The following ENO4 variants were observed in gnomAD, a reference collection of about 807,000 sequenced individuals.
The protein encoded by ENO4 is enolase 4, also known as 2-phospho-D-glycerate hydro-lyase.
Under a neutral mutation model 63.2 loss-of-function variants are expected in ENO4, and 53 were observed. The ratio of observed to expected loss-of-function variants is 0.84; its 90% CI spans 0.67 to 1.05. ENO4 has a LOEUF of 1.05. Ranked by LOEUF, ENO4 falls within the 50% of genes least tolerant of loss-of-function variation. ENO4 has a pLI of 0.00. For missense variants in ENO4, 719 were observed against 772.0 expected, an observed-to-expected ratio of 0.93 and a Z score of 0.81; for synonymous variants, 266 against 283.8, an observed-to-expected ratio of 0.94 and a Z score of 0.63.
chr10:116,906,450 T>C (rs532491677), intron 10 of ENO4, among the ~76,000 whole-genome samples: 2 of 152,338 alleles, frequency 1.3e-5, no homozygotes, highest in African/African-American at 2.4e-5. Context: ...AATAAAAATA[T>C]CTAAGAGTTC....
At chr10:116,865,743 T>C (rs1455408957) in intron 7 of ENO4, among the ~76,000 whole-genome samples, 3 of 152,138 alleles carry the variant, frequency 2.0e-5, no homozygotes, top group Non-Finnish European at 4.4e-5. Flanking sequence ...TGCTACTGAG[T>C]GTCCTGCAAT....
chr10:116,869,603 T>C (rs895856388), intron 8 of ENO4, among the ~76,000 whole-genome samples: 2 of 152,216 alleles, frequency 1.3e-5, no homozygotes, highest in Admixed American at 1.3e-4. Context: ...AGTTTGTATA[T>C]GTTGGAATGA....
chr10:116,879,743 T>TA (rs1846945539), intron 12 of ENO4, 126 bp from the exon 13 acceptor site: 16 of 743,392 alleles, frequency 2.2e-5, no homozygotes, highest in Non-Finnish European at 3.5e-5. Flanking sequence ...TACATAAAGA[T>TA]AAAAAACTAG....
intron 10 of ENO4, among the ~76,000 whole-genome samples, chr10:116,875,561 T>TCACACACACACACACACACACACACA (rs56000218): frequency 1.6e-4 from 23 of 147,908 alleles, no homozygotes; most frequent in African/African-American, 3.0e-4. Context: ...TCCAGGCTGG[T>TCACACACACACACACACACACACACA]CACACACACA....
At chr10:116,876,390 TGA>T in intron 11 of ENO4, 130 bp downstream of exon 11, 1 of 801,972 alleles carries the variant, frequency 1.2e-6, no homozygotes, top group Non-Finnish European at 1.9e-6. Context: ...CAACCATTTG[TGA>T]GAGATTTAGT....
intron 13 of ENO4, among the ~76,000 whole-genome samples, chr10:116,880,759 GT>G (rs1016196577): frequency 6.6e-6 from 1 of 152,194 alleles, no homozygotes; most frequent in African/African-American, 2.4e-5. Flanking sequence ...AGAAGGGCTA[GT>G]TTTTTCAAAT....
downstream of ENO4, chr10:116,883,213 T>C (rs950593141): frequency 3.3e-5 from 5 of 152,204 alleles, no homozygotes; most frequent in African/African-American, 1.2e-4. Context: ...AGCATTTTAA[T>C]TTAAATTTCT....
At chr10:116,899,095 C>T (rs2133318369) in intron 10 of ENO4, among the ~76,000 whole-genome samples, 1 of 152,086 alleles carries the variant, frequency 6.6e-6, no homozygotes, top group Non-Finnish European at 1.5e-5. Context: ...TGAAAGCCTA[C>T]CATAAGGCAG....
chr10:116,874,335 C>A (rs923848672), intron 10 of ENO4, 134 bp downstream of exon 10: 2 of 890,750 alleles, frequency 2.2e-6, no homozygotes, highest in Admixed American at 3.5e-5. Flanking sequence ...TCTTTTGGAT[C>A]GTTGTCATTC....
intron 7 of ENO4, among the ~76,000 whole-genome samples, chr10:116,866,842 T>G (rs908833636): frequency 8.4e-4 from 127 of 151,730 alleles, no homozygotes; most frequent in African/African-American, 2.9e-3. Flanking sequence ...GGAGGAACGC[T>G]GAATTGCTGG....
At chr10:116,870,277 C>T (rs1564850265) in intron 8 of ENO4, among the ~76,000 whole-genome samples, 2 of 152,192 alleles carry the variant, frequency 1.3e-5, no homozygotes, top group African/African-American at 4.8e-5. Flanking sequence ...TCAAGGCTGA[C>T]TTTGCAGTAG....
At chr10:116,851,020 C>G (rs1846065879) in intron 1 of ENO4, among the ~76,000 whole-genome samples, 1 of 152,168 alleles carries the variant, frequency 6.6e-6, no homozygotes, top group East Asian at 1.9e-4. Flanking sequence ...TAGAGGAATT[C>G]TTGAACACAA....
chr10:116,874,158 A>C lies in ENO4; in HGVS notation c.1298A>C (p.Lys433Thr). 6.5e-7 allele frequency: 1 copy of C among 1,549,156 alleles called. No homozygotes were observed. The highest frequency in any genetic ancestry group is 8.7e-7 in the Non-Finnish European group (1 of 1,145,802). The change falls in exon 10 of 14, where the codon AAG becomes ACG. Residue 433 changes from lysine to threonine, a missense_variant. Around this residue, in one of 3 missense-constraint regions of ENO4, gnomAD observed 544 missense variants for 583.6 expected, o/e 0.93. Transcript: ENST00000341276. ...MVDLYVDLIN[K>T]YPSIIALIDP... Reference sequence around the variant, plus strand: ...GACCTGTATGTGGATCTGATCAACAAGTACCCTTCAATTATTGCCTTAATT... The same window carrying C: ...GACCTGTATGTGGATCTGATCAACACGTACCCTTCAATTATTGCCTTAATT...
At chr10:116,905,470 C>T (rs1011711460) in intron 10 of ENO4, among the ~76,000 whole-genome samples, 2 of 152,046 alleles carry the variant, frequency 1.3e-5, no homozygotes, top group East Asian at 1.9e-4. Flanking sequence ...CCAAACCAAC[C>T]TAAAAACTGA....
At position 116,849,676 on chromosome 10, in the gene ENO4, A is replaced by T. The variant is rs774862348; in HGVS notation, c.110A>T (p.Glu37Val). 4.5e-6 allele frequency: 7 copies of T among 1,549,724 alleles called. No homozygotes were observed. In the South Asian group the frequency reaches 7.1e-5, roughly 16 times the overall value. ...GAGAACGACGTTCCGCGCAGGCTGG[A>T]AGAGCTGCTCAACTCCACCTTCTAC... Reference protein sequence around the residue: ...YRENDVPRRLEELLNSTFYLQ... With the variant: ...YRENDVPRRLVELLNSTFYLQ... Residue 37 changes from glutamate (E) to valine (V), a missense_variant, in exon 1 of 14, where the codon GAA (glutamate) becomes GTA (valine). Coordinates refer to ENST00000341276, the MANE Select transcript of ENO4 (RefSeq NM_001242699.2).
chr10:116,911,700 ACAC>A, exon 11 of ENO4: 1 of 1,579,078 alleles, frequency 6.3e-7, no homozygotes, highest in South Asian at 1.1e-5. Flanking sequence ...GGAATAAAAC[ACAC>A]CACAAACAAT....
chr10:116,862,871 T>A lies in ENO4; in HGVS notation c.990+19T>A, dbSNP rs1427878129. 2.0e-6 allele frequency: 3 copies of A among 1,492,700 alleles called. No homozygotes were observed. In the South Asian group the frequency reaches 3.6e-5, roughly 18 times the overall value. The allele number at this position is 1,492,700 out of a possible 1,614,324, so 92.5% of individuals were successfully genotyped here. On this transcript the variant is annotated intron_variant, in intron 7 of 13. Transcript: ENST00000341276. Reference sequence around the variant, plus strand: ...TGAAATGGTATGTAAAGAGATTCTATGTTATCTAGTTACTGACACTTAGAC... The same window carrying A: ...TGAAATGGTATGTAAAGAGATTCTAAGTTATCTAGTTACTGACACTTAGAC...
At position 116,882,172 on chromosome 10, in the gene ENO4, T is replaced by C. The variant is rs1383654800; in HGVS notation, c.*503T>C. ...CATCACCATTTTTTGTAAGAGCCAA[T>C]TTCATCTCACTTTCCTACCCTTGAT... On this transcript the variant is annotated 3_prime_UTR_variant, in exon 14 of 14. Transcript: ENST00000341276. The C allele has an allele frequency of 6.6e-6, 1 of 152,324 alleles. No individual in the cohort carries two copies. Among genetic ancestry groups the C allele is most frequent in the African/African-American group, 2.4e-5 (1 of 41,454 alleles). The allele number at this position is 152,324 out of a possible 1,614,324, so 9.4% of individuals were successfully genotyped here. A position where few individuals can be genotyped will look rare whatever the true frequency, so the allele number is the denominator to read the frequency against.
At chr10:116,908,944 C>A (rs1024492901) in intron 10 of ENO4, among the ~76,000 whole-genome samples, 1 of 152,080 alleles carries the variant, frequency 6.6e-6, no homozygotes, top group African/African-American at 2.4e-5. Context: ...AATACAAGGG[C>A]AATTGTGGAG....
Sources: gnomAD v4.1 joint callset for allele counts (sites outside exome capture counted in the v4.1 genomes callset) on GRCh38, gnomAD v4.1.1 for gene constraint, gnomAD v4.1.1 regional missense constraint, MANE v1.5 for transcripts, NCBI Gene and HGNC (gene_info 2026-07-23, HGNC 2026-07-21) for gene names.